The following DOCK2 variants were observed in gnomAD, a reference collection of about 807,000 sequenced individuals.
DOCK2 encodes dedicator of cytokinesis 2, also known as dedicator of cytokinesis protein 2.
DOCK2 carries 87 observed loss-of-function variants against 248.9 expected under a neutral mutation model. That is an observed-to-expected ratio of 0.35 (90% CI 0.29 to 0.42). The LOEUF is 0.42. DOCK2 is among the 10% of genes least tolerant of loss of function. The probability of loss-of-function intolerance (pLI) is 1.00; values close to 1 mark genes in which losing one functional copy is unlikely to be tolerated. For missense variants in DOCK2, 1,747 were observed against 2,300.2 expected (o/e 0.76, Z 4.92); for synonymous variants, 805 against 821.6 (o/e 0.98, Z 0.35).
In DOCK2 at chr5:169,728,944, C is replaced by A. The variant is rs1762625689; in HGVS notation, c.2267+10153C>A. Among the ~76,000 whole-genome samples, 7 of 152,158 alleles carry A rather than the reference C, an allele frequency of 4.6e-5. No homozygotes were observed. In the South Asian group the frequency reaches 1.4e-3, roughly 32 times the overall value. On this transcript the variant is annotated intron_variant, in intron 22 of 51. Coordinates refer to ENST00000520908, the MANE Select transcript of DOCK2 (RefSeq NM_004946.3). ...TAAGGCTGTGGAGGACACAGATATT[C>A]ATTCTTTTAGGTTGAAATGGTAAAC...
intron 27 of DOCK2, among the ~76,000 whole-genome samples, chr5:169,885,282 A>G (rs1772909038): frequency 6.6e-6 from 1 of 152,228 alleles, no homozygotes; most frequent in Non-Finnish European, 1.5e-5. Context: ...AGAGGCTGGA[A>G]CCATCTCATT....
chr5:169,719,512 A>G (rs1250393724), intron 22 of DOCK2, among the ~76,000 whole-genome samples: 2 of 152,196 alleles, frequency 1.3e-5, no homozygotes, highest in African/African-American at 4.8e-5. Context: ...ACTGAAACTG[A>G]CTTAGGGAGA....
intron 27 of DOCK2, among the ~76,000 whole-genome samples, chr5:169,914,663 T>A (rs1022707517): frequency 6.6e-6 from 1 of 152,218 alleles, no homozygotes; most frequent in African/African-American, 2.4e-5. Context: ...ATTTCTGGCA[T>A]CTTAGTAGTA....
At chr5:169,738,891 A>G (rs1763175236) in intron 22 of DOCK2, among the ~76,000 whole-genome samples, 1 of 152,176 alleles carries the variant, frequency 6.6e-6, no homozygotes, top group African/African-American at 2.4e-5. Context: ...TCCTTCTGTT[A>G]CCCTGTCCTC....
chr5:169,918,622 T>C (rs143702308), intron 27 of DOCK2, among the ~76,000 whole-genome samples: 36 of 152,296 alleles, frequency 2.4e-4, no homozygotes, highest in African/African-American at 8.2e-4. Flanking sequence ...ACTTTAAAAA[T>C]GCAAACTAGA....
In DOCK2 at chr5:169,763,487, C is replaced by T. The variant is rs76380958; in HGVS notation, c.2554+1862C>T. On this transcript the variant is annotated intron_variant, in intron 25 of 51. Transcript: ENST00000520908. The surrounding 1 kb of genome is among the most constrained non-coding windows in gnomAD (Gnocchi z 4.1). ...CAGGGGCCCGGCTTGGCATCAAGGC[C>T]AGATGGAGTGCTAGCACGGGCCTGG... Among the ~76,000 whole-genome samples the T allele has an allele frequency of 0.011, 1,664 of 152,314 alleles. 32 individuals carry two copies. The highest frequency in any genetic ancestry group is 0.038 in the African/African-American group (1,575 of 41,560).
chr5:169,954,695 C>A (rs1776793239), intron 27 of DOCK2, among the ~76,000 whole-genome samples: 1 of 152,174 alleles, frequency 6.6e-6, no homozygotes, highest in African/African-American at 2.4e-5. Flanking sequence ...CCCTTTCAAA[C>A]TTGTTGTTGT....
chr5:169,655,809 T>C (rs572456691), intron 2 of DOCK2, among the ~76,000 whole-genome samples: 1 of 152,290 alleles, frequency 6.6e-6, no homozygotes, highest in South Asian at 2.1e-4. Context: ...GGCAAATAAT[T>C]TGAAATTTGA....
At chr5:169,734,090 C>G (rs924499346) in intron 22 of DOCK2, among the ~76,000 whole-genome samples, 1 of 151,810 alleles carries the variant, frequency 6.6e-6, no homozygotes, top group Non-Finnish European at 1.5e-5. Flanking sequence ...TTTGTTTTCT[C>G]GGTTCATTCT....
At chr5:169,746,315 G>T (rs918934404) in intron 22 of DOCK2, among the ~76,000 whole-genome samples, 12 of 152,204 alleles carry the variant, frequency 7.9e-5, no homozygotes, top group Non-Finnish European at 1.6e-4. Context: ...AGACGGGAAA[G>T]AAGGGTGAGG....
At chr5:170,081,701 A>T (rs1406278716) in intron 50 of DOCK2, 141 bp from the exon 51 acceptor site, 1 of 949,454 alleles carries the variant, frequency 1.1e-6, no homozygotes, top group African/African-American at 1.7e-5. Context: ...GGAAATAGGC[A>T]TCCTGCCTCC....
chr5:169,895,306 C>T (rs777569731), intron 27 of DOCK2, among the ~76,000 whole-genome samples: 3 of 152,152 alleles, frequency 2.0e-5, no homozygotes, highest in Admixed American at 6.5e-5. Flanking sequence ...CTCCTTCCCT[C>T]TCTTGTTTCT....
intron 27 of DOCK2, among the ~76,000 whole-genome samples, chr5:169,912,436 C>T (rs1774649692): frequency 6.6e-6 from 1 of 152,138 alleles, no homozygotes; most frequent in South Asian, 2.1e-4. Context: ...TAGTCTTAGC[C>T]ACACACAAAT....
Position 169,780,157 on chromosome 5 carries a change from C to G in DOCK2, c.2554+18532C>G. On this transcript the variant is annotated intron_variant, in intron 25 of 51. Transcript: ENST00000520908. ...TTGCTGTGCTAAGAAGCATGTGGCT[C>G]TTGCCCATCCAGCGTGAGCCCAGTT... Among the ~76,000 whole-genome samples, 2 of 152,184 alleles carry G rather than the reference C, an allele frequency of 1.3e-5. 1 individual carries two copies. The highest frequency in any genetic ancestry group is 4.8e-5 in the African/African-American group (2 of 41,446).
At chr5:170,007,751 C>G (rs1413903010) in intron 30 of DOCK2, among the ~76,000 whole-genome samples, 1 of 152,156 alleles carries the variant, frequency 6.6e-6, no homozygotes, top group African/African-American at 2.4e-5. Flanking sequence ...AGATCAGGTA[C>G]ATGCAAAAAT....
intron 27 of DOCK2, among the ~76,000 whole-genome samples, chr5:169,885,501 C>A (rs573754798): frequency 6.6e-6 from 1 of 152,312 alleles, no homozygotes; most frequent in African/African-American, 2.4e-5. Flanking sequence ...TATTTAAGGA[C>A]AAAATTCTCC....
At chr5:169,751,709 G>C (rs925059583) in intron 23 of DOCK2, among the ~76,000 whole-genome samples, 1 of 152,002 alleles carries the variant, frequency 6.6e-6, no homozygotes, top group African/African-American at 2.4e-5. Context: ...GTTCTGAGTC[G>C]GCGTGGCAGC....
chr5:169,703,819 A>G (rs1475650575), intron 14 of DOCK2: 1 of 152,236 alleles, frequency 6.6e-6, no homozygotes, highest in East Asian at 1.9e-4. Context: ...GGGAAATTGC[A>G]ATTCCCAAAT....
chr5:169,733,286 A>G (rs1302388655), intron 22 of DOCK2, among the ~76,000 whole-genome samples: 1 of 152,042 alleles, frequency 6.6e-6, no homozygotes, highest in Non-Finnish European at 1.5e-5. Flanking sequence ...AGTAAAGTCT[A>G]AAGTTACATT....
Sources: allele counts gnomAD v4.1 joint callset (sites outside exome capture counted in the v4.1 genomes callset), GRCh38; gene constraint gnomAD v4.1.1; non-coding constraint Gnocchi (gnomAD v3.1); transcripts MANE v1.5; gene names NCBI Gene and HGNC (gene_info 2026-07-23, HGNC 2026-07-21).